The following TGM5 variants were observed in gnomAD, a reference collection of about 807,000 sequenced individuals.
The protein encoded by TGM5 is protein-glutamine gamma-glutamyltransferase 5.
Under a neutral mutation model 77.2 loss-of-function variants are expected in TGM5, and 69 were observed. The ratio of observed to expected loss-of-function variants is 0.89; its 90% CI spans 0.74 to 1.09. The LOEUF (loss-of-function observed/expected upper bound fraction) is 1.09, where lower values mean the gene tolerates loss of function less well. TGM5 is among the 50% of genes least tolerant of loss of function. The pLI is 0.00. For missense variants in TGM5, 842 were observed against 896.5 expected, an observed-to-expected ratio of 0.94 and a Z score of 0.78; for synonymous variants, 346 against 351.8, an observed-to-expected ratio of 0.98 and a Z score of 0.18.
intron 1 of TGM5, among the ~76,000 whole-genome samples, chr15:43,264,701 G>A (rs920199503): frequency 2.6e-5 from 4 of 152,234 alleles, no homozygotes; most frequent in East Asian, 3.9e-4. Flanking sequence ...GGCGATACTC[G>A]CAAAATTTTG....
At chr15:43,236,968 C>CA (rs1015479664) in intron 9 of TGM5, among the ~76,000 whole-genome samples, 14,960 of 60,952 alleles carry the variant, frequency 0.25, 1,471 homozygotes, top group African/African-American at 0.32. Flanking sequence ...GACTCTGTCT[C>CA]AAAAAAAAAA....
chr15:43,255,454 C>T (rs2042736272), intron 4 of TGM5, among the ~76,000 whole-genome samples: 1 of 152,216 alleles, frequency 6.6e-6, no homozygotes, highest in African/African-American at 2.4e-5. Flanking sequence ...CTGTCCAGGT[C>T]TCTCCATGAT....
At chr15:43,235,292 G>A (rs28705146) in intron 10 of TGM5, among the ~76,000 whole-genome samples, 177 bp downstream of exon 10, 1 of 150,194 alleles carries the variant, frequency 6.7e-6, no homozygotes, top group Non-Finnish European at 1.5e-5. Context: ...GAGGGAGGGA[G>A]GGAAGGAAGG....
chr15:43,253,464 C>A (rs1277379602), intron 5 of TGM5, 42 bp downstream of exon 5: 2 of 1,605,450 alleles, frequency 1.2e-6, no homozygotes, highest in Non-Finnish European at 1.7e-6. Flanking sequence ...AGGGCTCCCG[C>A]TGCACAGCTT....
intron 1 of TGM5, chr15:43,260,807 C>CT: frequency 6.4e-6 from 4 of 621,746 alleles, no homozygotes; most frequent in Non-Finnish European, 1.2e-5. Flanking sequence ...TCCTATCTCT[C>CT]TGACCCTCTA....
intron 1 of TGM5, among the ~76,000 whole-genome samples, chr15:43,261,060 C>CTTTTT (rs199676346): frequency 0.059 from 5,326 of 90,378 alleles, 960 homozygotes; most frequent in African/African-American, 0.29. Context: ...GCTGCTCTTC[C>CTTTTT]TTTTTTTGTG....
Position 43,238,991 on chromosome 15 carries a change from C to G in TGM5, c.1171G>C (p.Asp391His). 1 of 1,614,166 alleles carries G rather than the reference C, an allele frequency of 6.2e-7. No individual in the cohort carries two copies. Among genetic ancestry groups the G allele is most frequent in the Middle Eastern group, 1.6e-4 (1 of 6,062 alleles). ...IKEGEVDLNYDTPFVFSMVNA... is the reference protein window; with the variant it reads ...IKEGEVDLNYHTPFVFSMVNA... ...ACCATCGAAAACACAAAGGGCGTGT[C>G]ATAGTTCAGGTCCACTTCTCCTTCT... is the stretch of plus-strand genomic sequence containing the variant. Residue 391 changes from aspartate to histidine, a missense_variant, in exon 9 of 13, where the codon GAC becomes CAC. Transcript: ENST00000220420.
At chr15:43,255,329 G>A (rs1336591526) in intron 4 of TGM5, among the ~76,000 whole-genome samples, 1 of 152,072 alleles carries the variant, frequency 6.6e-6, no homozygotes, top group Non-Finnish European at 1.5e-5. Flanking sequence ...GCAAGACCAT[G>A]TCTCAAAAAC....
chr15:43,265,073 G>A (rs1358936563), intron 1 of TGM5, among the ~76,000 whole-genome samples: 1 of 152,166 alleles, frequency 6.6e-6, no homozygotes, highest in African/African-American at 2.4e-5. Context: ...TCTACTATGT[G>A]CCAGGCACTG....
Position 43,256,696 on chromosome 15 carries a change from A to G in TGM5, c.437-10T>C. 1 of 1,586,174 alleles carries G rather than the reference A, an allele frequency of 6.3e-7. No individual in the cohort carries two copies. The highest frequency in any genetic ancestry group is 8.7e-7 in the Non-Finnish European group (1 of 1,154,680). On this transcript the variant is annotated splice_polypyrimidine_tract_variant and intron_variant, in intron 3 of 12. Transcript: ENST00000220420. ...AAGTAGACAGCATCCTCTAGGAACCAGAGTGGGAGGGCACGAAGCAGAAAA... is the reference window on the plus strand; with the variant it reads ...AAGTAGACAGCATCCTCTAGGAACCGGAGTGGGAGGGCACGAAGCAGAAAA...
rs373024989 is a variant in TGM5 at position 43,251,182 on chromosome 15, T to C, written c.862+1577A>G. Among the ~76,000 whole-genome samples, 73 of 152,296 alleles carry C rather than the reference T, an allele frequency of 4.8e-4. No homozygotes were observed. The South Asian group carries it at 0.012, about 26-fold the overall frequency. The stretch of plus-strand genomic sequence containing the variant: ...TATTCATGACATGGAGTCTCAAAGC[T>C]GTGGAATTCCTTGTTTCTTATACCT... On this transcript the variant is annotated intron_variant, in intron 6 of 12. Transcript: ENST00000220420.
intron 1 of TGM5, among the ~76,000 whole-genome samples, chr15:43,265,240 G>C (rs1352432922): frequency 2.0e-5 from 3 of 152,206 alleles, no homozygotes; most frequent in Non-Finnish European, 1.5e-5. Context: ...GCCCAGTCCA[G>C]TGCTCTTCCC....
chr15:43,260,716 A>G (rs1418791631), intron 1 of TGM5, 137 bp from the exon 2 acceptor site: 1 of 897,174 alleles, frequency 1.1e-6, no homozygotes, highest in South Asian at 1.4e-5. Flanking sequence ...TAGAGTCCAT[A>G]AGATCAGCCT....
rs935016731 is a variant in TGM5, at chr15:43,234,229, G to C, written c.1875+540C>G. 9.2e-5 allele frequency among the ~76,000 whole-genome samples: 14 copies of C among 152,192 alleles called. 1 individual carries two copies. The highest frequency in any genetic ancestry group is 8.5e-4 in the Admixed American group (13 of 15,280). Reference sequence around the variant, plus strand: ...GGGCTTACTTAACAGGGTCTAGGAGGCTGGTTGACTTTGGGGAGACAGCAC... The same window carrying C: ...GGGCTTACTTAACAGGGTCTAGGAGCCTGGTTGACTTTGGGGAGACAGCAC... On this transcript the variant is annotated intron_variant, in intron 11 of 12. Transcript: ENST00000220420.
chr15:43,238,359 CAG>C (rs2042605875), intron 9 of TGM5, among the ~76,000 whole-genome samples: 1 of 152,226 alleles, frequency 6.6e-6, no homozygotes, highest in Admixed American at 6.5e-5. Flanking sequence ...GCTGTCACCT[CAG>C]AGTCAGCCTC....
At chr15:43,254,657 C>T (rs149099508) in intron 4 of TGM5, among the ~76,000 whole-genome samples, 1 of 152,236 alleles carries the variant, frequency 6.6e-6, no homozygotes, top group Admixed American at 6.5e-5. Flanking sequence ...CGCCCCCATC[C>T]CTACCATTTT....
At chr15:43,253,083 AG>A in intron 5 of TGM5, 147 bp from the exon 6 acceptor site, 1 of 872,556 alleles carries the variant, frequency 1.1e-6, no homozygotes, top group Non-Finnish European at 1.9e-6. Context: ...CCTGCTGGGG[AG>A]GGCTAAGGAT....
intron 6 of TGM5, 155 bp from the exon 7 acceptor site, chr15:43,241,145 C>A: frequency 1.0e-6 from 1 of 988,372 alleles, no homozygotes; most frequent in Non-Finnish European, 1.5e-6. Context: ...ATATTTCCAA[C>A]TTCCTTCCCC....
At chr15:43,255,611 G>A (rs2042737238) in intron 4 of TGM5, among the ~76,000 whole-genome samples, 2 of 152,084 alleles carry the variant, frequency 1.3e-5, no homozygotes. Flanking sequence ...GGCAGGTCCA[G>A]GAGAGGAATT....
Sources: gnomAD v4.1 joint callset for allele counts (sites outside exome capture counted in the v4.1 genomes callset) on GRCh38, gnomAD v4.1.1 for gene constraint, MANE v1.5 for transcripts, NCBI Gene and HGNC (gene_info 2026-07-23, HGNC 2026-07-21) for gene names.